The following CECR2 variants were observed in gnomAD, a reference collection of about 807,000 sequenced individuals.
The protein encoded by CECR2 is CECR2 histone acetyl-lysine reader.
Under a neutral mutation model 154.5 loss-of-function variants are expected in CECR2, and 30 were observed. The observed-to-expected ratio is 0.19, with a 90% CI of 0.15 to 0.26. CECR2 has a LOEUF of 0.26. CECR2 is among the 10% of genes least tolerant of loss of function. CECR2 has a pLI of 1.00. For missense variants in CECR2, 1,743 were observed against 1,829.3 expected (o/e 0.95, Z 0.86); for synonymous variants, 725 against 683.7 (o/e 1.06, Z -0.94).
intron 1 of CECR2, among the ~76,000 whole-genome samples, chr22:17,423,463 C>T (rs1397166654): frequency 1.3e-5 from 2 of 151,522 alleles, no homozygotes; most frequent in Admixed American, 6.6e-5. Context: ...GCCAAGATCG[C>T]GCCACTGCAC....
rs545043372 is a variant in CECR2, at chr22:17,557,744, CCCCTTCCCTTCCCTT to C, written c.*4917_*4931del. On this transcript the variant is annotated 3_prime_UTR_variant, in exon 19 of 19. Transcript: ENST00000262608. ...GACCCCCGTTCAGGAAACCATGCAG[CCCCTTCCCTTCCCTT>C]CCCTTCCCTTCCTTTCCCTTCCCTA... 6.6e-6 allele frequency: 1 copy of C among 152,168 alleles called. No individual in the cohort carries two copies. Among genetic ancestry groups the C allele is most frequent in the South Asian group, 2.1e-4 (1 of 4,800 alleles). 9.4% of individuals were successfully genotyped at this position (152,168 alleles called of 1,614,324 possible).
At chr22:17,537,375 C>T (rs1338330909) in intron 10 of CECR2, 143 bp downstream of exon 10, 2 of 905,066 alleles carry the variant, frequency 2.2e-6, no homozygotes, top group African/African-American at 1.7e-5. Flanking sequence ...GGGCCCTGCA[C>T]ACACAGACAC....
chr22:17,473,028 C>T (rs962958330), intron 1 of CECR2, among the ~76,000 whole-genome samples: 1 of 152,134 alleles, frequency 6.6e-6, no homozygotes, highest in African/African-American at 2.4e-5. Context: ...GTTTTCCCAG[C>T]AGCCACTGCA....
intron 1 of CECR2, among the ~76,000 whole-genome samples, chr22:17,432,264 A>T (rs1041522744): frequency 6.6e-6 from 1 of 152,236 alleles, no homozygotes. Context: ...ACTTAGCAGA[A>T]TGTTTTTATG....
intron 15 of CECR2, 34 bp downstream of exon 15, chr22:17,542,001 G>C: frequency 6.3e-7 from 1 of 1,598,648 alleles, no homozygotes; most frequent in South Asian, 1.1e-5. Flanking sequence ...CAGGTGCAGG[G>C]GGTCCCACAG....
chr22:17,503,996 G>A (rs903326320), intron 6 of CECR2, among the ~76,000 whole-genome samples: 6 of 151,830 alleles, frequency 4.0e-5, no homozygotes, highest in Non-Finnish European at 8.8e-5. Flanking sequence ...GCAGTGAGCT[G>A]AGATGGTGCC....
chr22:17,522,960 G>A (rs142962755), intron 8 of CECR2, among the ~76,000 whole-genome samples: 8 of 151,014 alleles, frequency 5.3e-5, no homozygotes, highest in South Asian at 2.1e-4. Flanking sequence ...AGCCAAAATC[G>A]TGCCACTGCA....
At chr22:17,491,556 G>T (rs2055529329) in intron 2 of CECR2, among the ~76,000 whole-genome samples, 1 of 126,808 alleles carries the variant, frequency 7.9e-6, no homozygotes, top group Non-Finnish European at 1.6e-5. Context: ...TTCCACTATT[G>T]GCTTCTTATT....
chr22:17,383,715 G>A (rs1346036286), intron 1 of CECR2, among the ~76,000 whole-genome samples: 17 of 142,450 alleles, frequency 1.2e-4, no homozygotes, highest in South Asian at 4.5e-4. Context: ...AGGCTGGAGC[G>A]CAGTGGCAGT....
chr22:17,487,951 C>T (rs561700712), intron 2 of CECR2, among the ~76,000 whole-genome samples: 2 of 152,188 alleles, frequency 1.3e-5, no homozygotes, highest in East Asian at 1.9e-4. Context: ...GGCCTGATCT[C>T]GACTCACTGC....
chr22:17,421,581 C>A (rs1398377608), intron 1 of CECR2, among the ~76,000 whole-genome samples: 2 of 134,702 alleles, frequency 1.5e-5, no homozygotes, highest in African/African-American at 5.7e-5. Context: ...CGCCACTGCA[C>A]TCCAGCCTGG....
chr22:17,472,764 C>T (rs2055148368), intron 1 of CECR2, among the ~76,000 whole-genome samples: 1 of 152,018 alleles, frequency 6.6e-6, no homozygotes, highest in African/African-American at 2.4e-5. Context: ...AGAAAAGGTA[C>T]CTGTAATGTT....
chr22:17,436,219 A>C (rs537369507), intron 1 of CECR2, among the ~76,000 whole-genome samples: 8 of 152,164 alleles, frequency 5.3e-5, no homozygotes, highest in Non-Finnish European at 1.0e-4. Context: ...CGGCTTCCCA[A>C]AGTGCTGGGA....
intron 1 of CECR2, among the ~76,000 whole-genome samples, chr22:17,460,177 G>A (rs1256714740): frequency 1.3e-5 from 2 of 152,086 alleles, no homozygotes; most frequent in African/African-American, 4.8e-5. Flanking sequence ...TTGCAACTTT[G>A]AAGTCTTCTC....
intron 1 of CECR2, among the ~76,000 whole-genome samples, chr22:17,420,560 G>A (rs11913185): frequency 0.011 from 1,646 of 152,160 alleles, 20 homozygotes; most frequent in Non-Finnish European, 0.014. Flanking sequence ...CTTGGTTAGT[G>A]TGTTATTTAT....
chr22:17,464,373 G>A (rs1454379750), intron 1 of CECR2, among the ~76,000 whole-genome samples: 4 of 152,196 alleles, frequency 2.6e-5, no homozygotes, highest in South Asian at 2.1e-4. Flanking sequence ...TATCTCTGAC[G>A]AGTAGGGGTT....
chr22:17,413,789 G>T (rs1045101331), intron 1 of CECR2, among the ~76,000 whole-genome samples: 3 of 151,108 alleles, frequency 2.0e-5, no homozygotes, highest in African/African-American at 7.3e-5. Flanking sequence ...CCATTCTCCT[G>T]CCTCAGCTTC....
At chr22:17,539,272 A>G (rs1601536876) in intron 13 of CECR2, 153 bp downstream of exon 13, 1 of 784,944 alleles carries the variant, frequency 1.3e-6, no homozygotes, top group Non-Finnish European at 2.0e-6. Flanking sequence ...AGCCACTTAT[A>G]CAGTGTCTGC....
chr22:17,429,338 A>G (rs996823874), intron 1 of CECR2, among the ~76,000 whole-genome samples: 1 of 152,130 alleles, frequency 6.6e-6, no homozygotes, highest in Non-Finnish European at 1.5e-5. Context: ...GGTATTTTGG[A>G]TATGAATGAC....
Sources: gnomAD v4.1 joint callset for allele counts (sites outside exome capture counted in the v4.1 genomes callset) on GRCh38, gnomAD v4.1.1 for gene constraint, MANE v1.5 for transcripts, NCBI Gene and HGNC (gene_info 2026-07-23, HGNC 2026-07-21) for gene names.